HUNK: variants seen among roughly 807,000 people sequenced by gnomAD.
HUNK encodes hormonally up-regulated Neu-associated kinase.
A neutral mutation model predicts 61.0 loss-of-function variants in HUNK; 21 were observed. The observed-to-expected ratio is 0.34, with a 90% CI of 0.24 to 0.50. The LOEUF (loss-of-function observed/expected upper bound fraction) is 0.50, where lower values mean the gene tolerates loss of function less well. HUNK is among the 20% of genes least tolerant of loss of function. The pLI, the probability that HUNK is intolerant of heterozygous loss-of-function variation, is 0.98. For synonymous variants in HUNK, 371 were observed against 386.1 expected (o/e 0.96, Z 0.46); for missense variants, 772 against 945.7 (o/e 0.82, Z 2.41).
chr21:31,959,122 G>T (rs760641607), intron 5 of HUNK, 152 bp downstream of exon 5: 33 of 765,334 alleles, frequency 4.3e-5, no homozygotes, highest in Non-Finnish European at 5.3e-5. Context: ...AGTGTCAAGG[G>T]GTGGTTGGGT....
At chr21:31,977,397 G>A (rs1018898362) in intron 7 of HUNK, among the ~76,000 whole-genome samples, 1 of 152,146 alleles carries the variant, frequency 6.6e-6, no homozygotes, top group Admixed American at 6.6e-5. Context: ...TTATTCAAAT[G>A]TGTTTTCATG....
chr21:31,962,614 G>T (rs760016082), intron 5 of HUNK, among the ~76,000 whole-genome samples: 1 of 152,218 alleles, frequency 6.6e-6, no homozygotes, highest in Non-Finnish European at 1.5e-5. Flanking sequence ...CTCTGTGTGT[G>T]CTTGTTAAAG....
chr21:31,931,882 C>A (rs2052699064), intron 2 of HUNK, among the ~76,000 whole-genome samples: 1 of 152,140 alleles, frequency 6.6e-6, no homozygotes, highest in African/African-American at 2.4e-5. Flanking sequence ...CTGCCTTCTC[C>A]CATCCCACAA....
intron 3 of HUNK, 101 bp from the exon 4 acceptor site, chr21:31,945,935 G>A: frequency 8.4e-7 from 1 of 1,183,908 alleles, no homozygotes; most frequent in Non-Finnish European, 1.2e-6. Flanking sequence ...CTGAGAGAAT[G>A]TTTCCTTTCC....
At chr21:31,939,723 T>G (rs968709437) in intron 2 of HUNK, among the ~76,000 whole-genome samples, 4 of 151,250 alleles carry the variant, frequency 2.6e-5, no homozygotes, top group African/African-American at 7.3e-5. Flanking sequence ...TGTTGTTTTT[T>G]TTTTTTTTTT....
chr21:31,992,536 C>T (rs776061016), intron 9 of HUNK, among the ~76,000 whole-genome samples: 1 of 152,156 alleles, frequency 6.6e-6, no homozygotes, highest in South Asian at 2.1e-4. Context: ...CATGAAGGTG[C>T]GAGAGGGCGG....
At chr21:31,899,676 C>T (rs2052450034) in intron 1 of HUNK, among the ~76,000 whole-genome samples, 1 of 152,226 alleles carries the variant, frequency 6.6e-6, no homozygotes, top group Non-Finnish European at 1.5e-5. Flanking sequence ...CAATCTGCCT[C>T]TTCTTCATTC....
At chr21:31,911,757 CTGG>C (rs1287770897) in intron 1 of HUNK, among the ~76,000 whole-genome samples, 1 of 151,876 alleles carries the variant, frequency 6.6e-6, no homozygotes, top group East Asian at 1.9e-4. Context: ...CGTGTGGGGG[CTGG>C]TGGTGAAGAA....
At position 31,923,817 on chromosome 21, in the gene HUNK, G is replaced by A. The variant is rs116337250; in HGVS notation, c.262-651G>A. On this transcript the variant is annotated intron_variant, in intron 1 of 10. Transcript: ENST00000270112. ...AGCTTCCTGAGGGTAGTAGAAATGT[G>A]ATCCTGAGTAACAACAAAGGTTGGG... Among the ~76,000 whole-genome samples, 469 of 152,286 alleles carry A rather than the reference G, an allele frequency of 3.1e-3. 3 individuals carry two copies. The highest frequency in any genetic ancestry group is 0.011 in the African/African-American group (446 of 41,550).
intron 1 of HUNK, among the ~76,000 whole-genome samples, chr21:31,884,777 C>CA (rs1568915958): frequency 4.0e-5 from 6 of 148,442 alleles, no homozygotes; most frequent in Non-Finnish European, 7.5e-5. Flanking sequence ...CACGTCTCTT[C>CA]TTTTTTTTTT....
At position 31,924,868 on chromosome 21, in the gene HUNK, T is replaced by C; in HGVS notation, c.554+108T>C. Reference sequence around the variant, plus strand: ...AAAGGCTGAGCAATTGCAGCCTGTTTTACAATTTGTCTATATTTTAATTTT... The same window carrying C: ...AAAGGCTGAGCAATTGCAGCCTGTTCTACAATTTGTCTATATTTTAATTTT... On this transcript the variant is annotated intron_variant, in intron 2 of 10. Coordinates refer to ENST00000270112, the MANE Select transcript of HUNK (RefSeq NM_014586.2). The surrounding 1 kb of genome is among the most constrained non-coding windows in gnomAD (Gnocchi z 5.1). The C allele has an allele frequency of 6.0e-6, 5 of 829,728 alleles. No individual in the cohort carries two copies. The highest frequency in any genetic ancestry group is 9.2e-6 in the Non-Finnish European group (5 of 544,304). 51.4% of individuals were successfully genotyped at this position (829,728 alleles called of 1,614,324 possible). A position where few individuals can be genotyped will look rare whatever the true frequency, so the allele number is the denominator to read the frequency against.
At chr21:31,917,854 G>T (rs1317990051) in intron 1 of HUNK, among the ~76,000 whole-genome samples, 1 of 151,972 alleles carries the variant, frequency 6.6e-6, no homozygotes, top group Non-Finnish European at 1.5e-5. Flanking sequence ...GCCATTGATT[G>T]GTGTGGTGCT....
rs751120837 is a variant in HUNK at position 31,924,746 on chromosome 21, C to T, written c.540C>T (p.Ala180=). The change falls in exon 2 of 11, where the codon GCC becomes GCT. Residue 180 remains alanine, a synonymous_variant. Transcript: ENST00000270112. The surrounding 1 kb of genome is among the most constrained non-coding windows in gnomAD (Gnocchi z 5.1). ...CTGCCGTAGAGCACCTGCACCGGGC[C>T]GGGGTGGTCCACAGGTAAGGGCCAG... The part of the protein sequence containing the change: ...LISAVEHLHR[A]GVVHRDLKIE... 1.4e-5 allele frequency: 22 copies of T among 1,607,838 alleles called. No homozygotes were observed. Among genetic ancestry groups the T allele is most frequent in the African/African-American group, 2.7e-5 (2 of 74,750 alleles).
At chr21:31,954,197 C>T (rs2052871886) in intron 4 of HUNK, among the ~76,000 whole-genome samples, 1 of 152,196 alleles carries the variant, frequency 6.6e-6, no homozygotes, top group Admixed American at 6.5e-5. Context: ...TGATGTCCTA[C>T]TTCCTAGAGG....
At chr21:31,891,739 G>A (rs1389182692) in intron 1 of HUNK, among the ~76,000 whole-genome samples, 1 of 152,184 alleles carries the variant, frequency 6.6e-6, no homozygotes, top group Non-Finnish European at 1.5e-5. Flanking sequence ...ATTTTAGGAA[G>A]GGGGCAAAGG....
Position 31,892,180 on chromosome 21 carries a change from T to TATAG in HUNK, c.261+18246_261+18247insTAGA, listed in dbSNP as rs1457688299. On this transcript the variant is annotated intron_variant, in intron 1 of 10. Transcript: ENST00000270112. Reference sequence around the variant, plus strand: ...AAAAAAAAATATATATATATATATATAGAGAGAGAGAGAGAGAGAGAGAGA... The same window carrying TATAG: ...AAAAAAAAATATATATATATATATATATAGAGAGAGAGAGAGAGAGAGAGAGAGA... 1.3e-3 allele frequency among the ~76,000 whole-genome samples: 139 copies of TATAG among 109,700 alleles called. 1 individual carries two copies. Among genetic ancestry groups the TATAG allele is most frequent in the African/African-American group, 4.0e-3 (117 of 28,946 alleles). 72.0% of individuals were successfully genotyped at this position (109,700 alleles called of 152,430 possible).
Position 31,998,510 on chromosome 21 carries a change from CTTTCTTGG to C in HUNK, c.1487-14_1487-7del. ...CCGGACGTCCTCATGATTGTTTATG[CTTTCTTGG>C]TGTGCAGATTCCTTTGGCTGCCGCA... On this transcript the variant is annotated splice_polypyrimidine_tract_variant and splice_region_variant and intron_variant, in intron 10 of 10. Transcript: ENST00000270112. The C allele has an allele frequency of 1.3e-6, 2 of 1,561,352 alleles. No homozygotes were observed. The highest frequency in any genetic ancestry group is 1.7e-6 in the Non-Finnish European group (2 of 1,155,582).
intron 1 of HUNK, among the ~76,000 whole-genome samples, chr21:31,911,227 C>T (rs1270914959): frequency 6.6e-6 from 1 of 152,198 alleles, no homozygotes; most frequent in Non-Finnish European, 1.5e-5. Context: ...ACCATCTCTT[C>T]CCTTCTGGGG....
intron 6 of HUNK, among the ~76,000 whole-genome samples, chr21:31,969,226 C>T (rs1325580970): frequency 6.6e-6 from 1 of 152,080 alleles, no homozygotes; most frequent in East Asian, 1.9e-4. Context: ...GCTCACGAGC[C>T]CACCTGCCAA....
Sources: allele counts gnomAD v4.1 joint callset (sites outside exome capture counted in the v4.1 genomes callset), GRCh38; gene constraint gnomAD v4.1.1; non-coding constraint Gnocchi (gnomAD v3.1); transcripts MANE v1.5; gene names NCBI Gene and HGNC (gene_info 2026-07-23, HGNC 2026-07-21).